The following PARN variants were observed in gnomAD, a reference collection of about 807,000 sequenced individuals.
PARN encodes poly(A)-specific ribonuclease.
PARN carries 71 observed loss-of-function variants against 102.8 expected under a neutral mutation model. That is an observed-to-expected ratio of 0.69 (90% CI 0.57 to 0.84). The LOEUF (loss-of-function observed/expected upper bound fraction) is 0.84, where lower values mean the gene tolerates loss of function less well. Among genes scored for constraint, PARN ranks in the 40% least tolerant of loss-of-function variants. PARN has a pLI of 0.00. For missense variants in PARN, 782 were observed against 760.9 expected (o/e 1.03, Z -0.33); for synonymous variants, 261 against 252.9 (o/e 1.03, Z -0.30).
chr16:14,575,591 A>G (rs577206136), intron 18 of PARN, among the ~76,000 whole-genome samples: 2 of 152,172 alleles, frequency 1.3e-5, no homozygotes, highest in Non-Finnish European at 2.9e-5. Flanking sequence ...CCCCCATTGT[A>G]TCTAGGAAGT....
At chr16:14,567,657 A>C (rs1012136409) in intron 18 of PARN, among the ~76,000 whole-genome samples, 1 of 152,228 alleles carries the variant, frequency 6.6e-6, no homozygotes, top group East Asian at 1.9e-4. Context: ...CACCACTGCT[A>C]TAAGTGGCCT....
intron 22 of PARN, among the ~76,000 whole-genome samples, chr16:14,451,869 C>CAAAAAAAAAAAAAAAAA (rs869041563): frequency 4.6e-4 from 24 of 52,494 alleles, no homozygotes; most frequent in East Asian, 9.8e-4. Context: ...AAAAAAAATA[C>CAAAAAAAAAAAAAAAAA]AAAAAAAAAA....
At chr16:14,551,848 A>G (rs1392896491) in intron 21 of PARN, among the ~76,000 whole-genome samples, 173 bp downstream of exon 21, 1 of 152,240 alleles carries the variant, frequency 6.6e-6, no homozygotes, top group African/African-American at 2.4e-5. Flanking sequence ...TTATTTTCTC[A>G]TCTATACATG....
At chr16:14,608,234 A>T in intron 9 of PARN, 47 bp downstream of exon 9, 1 of 1,356,912 alleles carries the variant, frequency 7.4e-7, no homozygotes, top group African/African-American at 1.5e-5. Context: ...TTAGTCTTTA[A>T]ATCCTGGGTC....
chr16:14,597,465 G>T (rs1478012686), intron 12 of PARN, among the ~76,000 whole-genome samples: 1 of 151,884 alleles, frequency 6.6e-6, no homozygotes, highest in East Asian at 2.0e-4. Context: ...GGGAGGCCAA[G>T]GCAGGCGGAT....
chr16:14,476,593 G>T (rs1189510056), intron 22 of PARN, among the ~76,000 whole-genome samples: 2 of 152,350 alleles, frequency 1.3e-5, no homozygotes, highest in African/African-American at 4.8e-5. Context: ...ACTTTGAGAG[G>T]CGGAGGTGGG....
chr16:14,628,235 A>G lies in PARN; in HGVS notation c.114T>C (p.Pro38=). 1 of 1,601,540 alleles carries G rather than the reference A, an allele frequency of 6.2e-7. No homozygotes were observed. Among genetic ancestry groups the G allele is most frequent in the Non-Finnish European group, 8.6e-7 (1 of 1,169,394 alleles). Residue 38 remains proline (P), a synonymous_variant, in exon 3 of 24, where the codon CCT becomes CCC. Coordinates refer to ENST00000437198, the MANE Select transcript of PARN (RefSeq NM_002582.4). ...AACCATTTGTTAATGCAGAGACTGA[A>G]GGTCCATCACTGATTCCTAGATTTT... is the stretch of plus-strand genomic sequence containing the variant. ...DGEFSGISDG[P]SVSALTNGFD... is the part of the protein sequence containing the mutation.
At chr16:14,567,130 T>C (rs1387837767) in intron 18 of PARN, among the ~76,000 whole-genome samples, 2 of 152,204 alleles carry the variant, frequency 1.3e-5, no homozygotes, top group African/African-American at 2.4e-5. Context: ...TCATGGTAAC[T>C]TGGGGAGCCA....
intron 22 of PARN, among the ~76,000 whole-genome samples, chr16:14,476,168 A>T (rs78550551): frequency 0.014 from 2,159 of 152,354 alleles, 47 homozygotes; most frequent in African/African-American, 0.047. Context: ...ATAATTAAAA[A>T]TGTTCAAATA....
At chr16:14,565,890 G>T (rs751482734) in intron 18 of PARN, among the ~76,000 whole-genome samples, 5 of 152,202 alleles carry the variant, frequency 3.3e-5, no homozygotes, top group Non-Finnish European at 7.3e-5. Flanking sequence ...CAATGCAGGT[G>T]ACATACTGTG....
chr16:14,525,631 C>A (rs778249938), intron 21 of PARN, among the ~76,000 whole-genome samples: 15 of 152,218 alleles, frequency 9.9e-5, no homozygotes, highest in Middle Eastern at 6.8e-3. Context: ...CACCTACCTG[C>A]AAAGGGGCCC....
At position 14,479,300 on chromosome 16, in the gene PARN, T is replaced by C. The variant is rs987604841; in HGVS notation, c.1670+3338A>G. Among the ~76,000 whole-genome samples the C allele has an allele frequency of 2.0e-4, 31 of 152,066 alleles. 1 individual carries two copies. The East Asian group carries it at 6.0e-3, about 29-fold the overall frequency. ...AGCCGGGAGTGATTGCAAGTGGCTG[T>C]AGTCCCAGCTATTTGGGTGGCTGAG... On this transcript the variant is annotated intron_variant, in intron 22 of 23. Coordinates refer to ENST00000437198, the MANE Select transcript of PARN (RefSeq NM_002582.4).
chr16:14,459,823 T>C (rs557063620), intron 22 of PARN, among the ~76,000 whole-genome samples: 10 of 152,324 alleles, frequency 6.6e-5, no homozygotes, highest in South Asian at 2.1e-4. Flanking sequence ...TGGAATAGAA[T>C]AGTGTCCAGA....
chr16:14,628,303 A>T, intron 2 of PARN, 52 bp from the exon 3 acceptor site: 2 of 1,013,268 alleles, frequency 2.0e-6, no homozygotes, highest in Non-Finnish European at 3.1e-6. Context: ...ACTAACGTAA[A>T]AATGCCAGTC....
chr16:14,500,304 T>C (rs971008053), intron 21 of PARN, among the ~76,000 whole-genome samples: 1 of 152,226 alleles, frequency 6.6e-6, no homozygotes, highest in Non-Finnish European at 1.5e-5. Context: ...GGAATTCTCC[T>C]GCCTCAGCCT....
chr16:14,566,728 T>C (rs191370087), intron 18 of PARN, among the ~76,000 whole-genome samples: 2 of 152,308 alleles, frequency 1.3e-5, no homozygotes, highest in African/African-American at 4.8e-5. Context: ...ATAAACAAGC[T>C]ATTAAGCCAG....
intron 18 of PARN, among the ~76,000 whole-genome samples, chr16:14,579,712 C>T (rs573823513): frequency 2.6e-5 from 4 of 152,330 alleles, no homozygotes; most frequent in African/African-American, 9.6e-5. Flanking sequence ...CGGTGGTTCA[C>T]ACCTGTAATC....
intron 21 of PARN, among the ~76,000 whole-genome samples, chr16:14,544,438 G>A (rs187814154): frequency 5.9e-5 from 9 of 152,170 alleles, no homozygotes; most frequent in Admixed American, 3.9e-4. Context: ...AGTTGGGCAT[G>A]GTGGCACACA....
At chr16:14,451,304 A>T (rs1179597825) in intron 22 of PARN, among the ~76,000 whole-genome samples, 1 of 152,064 alleles carries the variant, frequency 6.6e-6, no homozygotes, top group Non-Finnish European at 1.5e-5. Context: ...TTTCCTTTCC[A>T]TGCTTCCCAT....
Sources: allele counts gnomAD v4.1 joint callset (sites outside exome capture counted in the v4.1 genomes callset), GRCh38; gene constraint gnomAD v4.1.1; transcripts MANE v1.5; gene names NCBI Gene and HGNC (gene_info 2026-07-23, HGNC 2026-07-21).